SLC8A1: variants seen among roughly 807,000 people sequenced by gnomAD.
SLC8A1 encodes the protein solute carrier family 8 member A1.
Under a neutral mutation model 68.3 loss-of-function variants are expected in SLC8A1, and 18 were observed. The observed-to-expected ratio is 0.26, with a 90% confidence interval of 0.18 to 0.39. The LOEUF (loss-of-function observed/expected upper bound fraction) is 0.39. SLC8A1 is among the 10% of genes least tolerant of loss of function. SLC8A1 has a pLI of 1.00. For synonymous variants in SLC8A1, 475 were observed against 415.5 expected (o/e 1.14, Z -1.74); for missense variants, 985 against 1,156.7 (o/e 0.85, Z 2.15).
chr2:40,359,532 C>T (rs569665592), intron 2 of SLC8A1, among the ~76,000 whole-genome samples: 3 of 152,046 alleles, frequency 2.0e-5, no homozygotes, highest in South Asian at 2.1e-4. Context: ...TCAAAAGGCA[C>T]CTGGAGGCAA....
chr2:40,163,631 G>T (rs1315357024), intron 5 of SLC8A1, among the ~76,000 whole-genome samples: 1 of 152,172 alleles, frequency 6.6e-6, no homozygotes, highest in Non-Finnish European at 1.5e-5. Flanking sequence ...GTCATACAAT[G>T]GGGGTCTAAT....
At chr2:40,353,458 G>C (rs1671731610) in intron 2 of SLC8A1, among the ~76,000 whole-genome samples, 1 of 151,874 alleles carries the variant, frequency 6.6e-6, no homozygotes, top group Non-Finnish European at 1.5e-5. Context: ...AAATGGCTCT[G>C]ACCCATTATT....
chr2:40,318,872 TC>T (rs778018641), intron 2 of SLC8A1, among the ~76,000 whole-genome samples: 1 of 152,120 alleles, frequency 6.6e-6, no homozygotes, highest in Non-Finnish European at 1.5e-5. Flanking sequence ...TTCTTTTTTT[TC>T]CCTCAACTTT....
At chr2:40,398,957 A>G (rs907967906) in intron 2 of SLC8A1, among the ~76,000 whole-genome samples, 2 of 152,198 alleles carry the variant, frequency 1.3e-5, no homozygotes, top group Non-Finnish European at 2.9e-5. Context: ...TCTATCATCT[A>G]TATATTTGAC....
Position 40,186,853 on chromosome 2 carries a change from A to C in SLC8A1, c.1809-8998T>G, listed in dbSNP as rs537176924. Among the ~76,000 whole-genome samples, 14 of 152,378 alleles carry C rather than the reference A, an allele frequency of 9.2e-5. No homozygotes were observed. In the South Asian group the frequency reaches 2.9e-3, roughly 32 times the overall value. ...ATGTTCACAGTGTTGTGATGATCAA[A>C]TAATGGTTATCATCATTTATCAAAT... On this transcript the variant is annotated intron_variant, in intron 2 of 7. Transcript: ENST00000406785.
intron 2 of SLC8A1, among the ~76,000 whole-genome samples, chr2:40,283,010 CA>C (rs896502571): frequency 5.3e-5 from 8 of 152,262 alleles, no homozygotes; most frequent in African/African-American, 9.6e-5. Flanking sequence ...TAGTTCACCA[CA>C]ACTTATTCTC....
intron 2 of SLC8A1, among the ~76,000 whole-genome samples, chr2:40,322,216 G>A (rs1360934988): frequency 6.6e-6 from 1 of 152,038 alleles, no homozygotes; most frequent in African/African-American, 2.4e-5. Flanking sequence ...GGTATCCCTG[G>A]GTTCATCAGC....
chr2:40,331,687 G>A (rs1233869316), intron 2 of SLC8A1, among the ~76,000 whole-genome samples: 3 of 151,856 alleles, frequency 2.0e-5, no homozygotes, highest in South Asian at 4.2e-4. Flanking sequence ...TCTGCCTCCC[G>A]GGTTCAAGCG....
chr2:40,490,542 G>A (rs945254757), intron 1 of SLC8A1, among the ~76,000 whole-genome samples: 10 of 151,940 alleles, frequency 6.6e-5, no homozygotes, highest in Non-Finnish European at 1.2e-4. Flanking sequence ...TGTCCTTTAG[G>A]TACTAAATGA....
At chr2:40,119,334 TA>T (rs10713257) in intron 7 of SLC8A1, among the ~76,000 whole-genome samples, 121,926 of 148,440 alleles carry the variant, frequency 0.82, 51,414 homozygotes, top group Middle Eastern at 0.92. Context: ...AAAAGCAATG[TA>T]AAAAAAAAAA....
intron 1 of SLC8A1, among the ~76,000 whole-genome samples, chr2:40,475,278 T>G (rs1704214659): frequency 6.6e-6 from 1 of 152,154 alleles, no homozygotes; most frequent in South Asian, 2.1e-4. Context: ...GGACTACAGG[T>G]GCCCGCCACC....
intron 2 of SLC8A1, among the ~76,000 whole-genome samples, chr2:40,225,501 T>C (rs938712443): frequency 6.6e-6 from 1 of 152,030 alleles, no homozygotes; most frequent in Non-Finnish European, 1.5e-5. Context: ...CAAAAGAATG[T>C]GGTGACTGGA....
In SLC8A1 at chr2:40,252,637, C is replaced by G. The variant is rs562162476; in HGVS notation, c.1809-74782G>C. On this transcript the variant is annotated intron_variant, in intron 2 of 7. Transcript: ENST00000406785. Reference sequence around the variant, plus strand: ...GTGCACAGGTGTGAGCAATCACGCCCGGCCAAGATAGTGCATTTTTAAATG... The same window carrying G: ...GTGCACAGGTGTGAGCAATCACGCCGGGCCAAGATAGTGCATTTTTAAATG... Among the ~76,000 whole-genome samples the G allele has an allele frequency of 1.8e-4, 28 of 152,146 alleles. No homozygotes were observed. The Middle Eastern group carries it at 0.01, about 55-fold the overall frequency.
intron 1 of SLC8A1, among the ~76,000 whole-genome samples, chr2:40,475,904 A>T (rs759103403): frequency 1.3e-5 from 2 of 152,088 alleles, no homozygotes; most frequent in Non-Finnish European, 2.9e-5. Flanking sequence ...ACTTTCTATG[A>T]TGCATCACAT....
chr2:40,120,174 C>T (rs546345698), intron 7 of SLC8A1, among the ~76,000 whole-genome samples: 11 of 152,304 alleles, frequency 7.2e-5, no homozygotes, highest in East Asian at 3.9e-4. Flanking sequence ...GCAAGGGTTT[C>T]GCCCCAGATG....
At chr2:40,401,797 G>A (rs1190459730) in intron 2 of SLC8A1, among the ~76,000 whole-genome samples, 1 of 152,120 alleles carries the variant, frequency 6.6e-6, no homozygotes, top group African/African-American at 2.4e-5. Flanking sequence ...TTGGGTGTGT[G>A]GTTATGAGGT....
intron 6 of SLC8A1, 25 bp from the exon 10 acceptor site, chr2:40,139,701 T>C: frequency 6.2e-7 from 1 of 1,603,868 alleles, no homozygotes; most frequent in Non-Finnish European, 8.5e-7. Flanking sequence ...AGGAAGCACA[T>C]TTCATCACAA....
At chr2:40,426,933 T>C (rs756160674) in intron 2 of SLC8A1, among the ~76,000 whole-genome samples, 1 of 151,948 alleles carries the variant, frequency 6.6e-6, no homozygotes, top group Non-Finnish European at 1.5e-5. Flanking sequence ...ACATGAACTT[T>C]CCAATGCAAG....
chr2:40,277,770 A>G (rs1185403206), intron 2 of SLC8A1, among the ~76,000 whole-genome samples: 1 of 138,212 alleles, frequency 7.2e-6, no homozygotes, highest in Non-Finnish European at 1.5e-5. Context: ...ATATAAACAT[A>G]TGTATAAATA....
Sources: allele counts gnomAD v4.1 joint callset (sites outside exome capture counted in the v4.1 genomes callset), GRCh38; gene constraint gnomAD v4.1.1; transcripts MANE v1.5; gene names NCBI Gene and HGNC (gene_info 2026-07-23, HGNC 2026-07-21).